The following SORCS2 variants were observed in gnomAD, a reference collection of about 807,000 sequenced individuals.
SORCS2 encodes VPS10 domain-containing receptor SorCS2.
A neutral mutation model predicts 141.6 loss-of-function variants in SORCS2; 100 were observed. The observed-to-expected ratio is 0.71, with a 90% CI of 0.60 to 0.83. The LOEUF is 0.83. SORCS2 is among the 40% of genes least tolerant of loss of function. The probability of loss-of-function intolerance (pLI) is 0.00; values close to 1 mark genes in which losing one functional copy is unlikely to be tolerated. For synonymous variants in SORCS2, 789 were observed against 676.9 expected (o/e 1.17, Z -2.57); for missense variants, 1,646 against 1,560.2 (o/e 1.05, Z -0.93).
intron 2 of SORCS2, among the ~76,000 whole-genome samples, chr4:7,522,696 T>C (rs528794957): frequency 2.0e-4 from 27 of 137,260 alleles, no homozygotes; most frequent in African/African-American, 5.9e-4. Flanking sequence ...CTTCCTCCCT[T>C]TTCCCCCATC....
At chr4:7,264,049 G>A (rs1363281747) in intron 1 of SORCS2, among the ~76,000 whole-genome samples, 1 of 152,186 alleles carries the variant, frequency 6.6e-6, no homozygotes, top group Non-Finnish European at 1.5e-5. Flanking sequence ...GGTCACAGAG[G>A]CCCCCCTCCC....
chr4:7,598,075 T>G (rs1004547072), intron 3 of SORCS2, among the ~76,000 whole-genome samples: 2 of 151,816 alleles, frequency 1.3e-5, no homozygotes, highest in Non-Finnish European at 2.9e-5. Flanking sequence ...TTCAAATGAT[T>G]CTCCTGCCTC....
intron 1 of SORCS2, among the ~76,000 whole-genome samples, chr4:7,374,178 TCTTTCTTTCTTTCTTTC>T (rs1560229494): frequency 4.5e-5 from 6 of 132,570 alleles, no homozygotes; most frequent in African/African-American, 1.8e-4. Flanking sequence ...TTTCTTTCTT[TCTTTCTTTCTTTCTTTC>T]TTTTTTGCAG....
intron 3 of SORCS2, among the ~76,000 whole-genome samples, chr4:7,635,043 G>A (rs1252076777): frequency 2.0e-5 from 3 of 152,340 alleles, no homozygotes; most frequent in Middle Eastern, 6.8e-3. Context: ...ACAGGAAGAG[G>A]AAATACTGGT....
At chr4:7,443,296 C>A (rs1453890077) in intron 2 of SORCS2, among the ~76,000 whole-genome samples, 2 of 152,150 alleles carry the variant, frequency 1.3e-5, no homozygotes, top group Non-Finnish European at 2.9e-5. Flanking sequence ...CAGCCTTGGC[C>A]CTAAGAAGTC....
chr4:7,434,378 T>A, intron 2 of SORCS2: 2 of 1,607,774 alleles, frequency 1.2e-6, no homozygotes, highest in Middle Eastern at 1.7e-4. Context: ...AGGGGCCCAT[T>A]GGCCATGAAC....
At position 7,373,478 on chromosome 4, in the gene SORCS2, A is replaced by ATTTTTTT. The variant is rs71173496; in HGVS notation, c.481-22788_481-22782dup. 2.4e-3 allele frequency among the ~76,000 whole-genome samples: 89 copies of ATTTTTTT among 36,808 alleles called. 10 individuals are homozygous for ATTTTTTT. The highest frequency in any genetic ancestry group is 6.6e-3 in the East Asian group (3 of 452). The allele number at this position is 36,808 out of a possible 152,430, so 24.1% of individuals were successfully genotyped here. A position where few individuals can be genotyped will look rare whatever the true frequency, so the allele number is the denominator to read the frequency against. The stretch of plus-strand genomic sequence containing the variant: ...AACTTTTATATATATATATATATAT[A>ATTTTTTT]TTTTTTTTTTTTTTTTTTTTTTTTT... On this transcript the variant is annotated intron_variant, in intron 1 of 26. Coordinates refer to ENST00000507866, the MANE Select transcript of SORCS2 (RefSeq NM_020777.3).
intron 1 of SORCS2, among the ~76,000 whole-genome samples, chr4:7,290,645 G>A (rs1716537112): frequency 6.6e-6 from 1 of 152,222 alleles, no homozygotes; most frequent in Admixed American, 6.5e-5. Flanking sequence ...CTCCTGGGGA[G>A]TGTTCCTCCT....
At chr4:7,557,492 T>C (rs1714220996) in intron 3 of SORCS2, among the ~76,000 whole-genome samples, 2 of 152,266 alleles carry the variant, frequency 1.3e-5, no homozygotes, top group Admixed American at 1.3e-4. Context: ...ACGCAAGGAT[T>C]CGTTCTCTTT....
intron 3 of SORCS2, among the ~76,000 whole-genome samples, chr4:7,543,662 A>C (rs187877138): frequency 0.13 from 17,014 of 135,442 alleles, 1,108 homozygotes; most frequent in African/African-American, 0.16. Context: ...CCATCCACCC[A>C]CCCATCCATC....
At chr4:7,325,018 G>A (rs997170493) in intron 1 of SORCS2, among the ~76,000 whole-genome samples, 2 of 152,214 alleles carry the variant, frequency 1.3e-5, no homozygotes, top group Non-Finnish European at 2.9e-5. Flanking sequence ...GCAGAAGGCA[G>A]TGGGGATGTG....
chr4:7,521,478 T>C (rs775157042), intron 2 of SORCS2, among the ~76,000 whole-genome samples: 11 of 152,226 alleles, frequency 7.2e-5, no homozygotes, highest in Non-Finnish European at 1.5e-4. Context: ...ACAATTGCCC[T>C]GTGTCACCTT....
intron 3 of SORCS2, among the ~76,000 whole-genome samples, chr4:7,549,733 G>C (rs1340630928): frequency 6.6e-6 from 1 of 152,214 alleles, no homozygotes; most frequent in East Asian, 1.9e-4. Context: ...CGCACACACA[G>C]AGTTCCTCCT....
intron 1 of SORCS2, among the ~76,000 whole-genome samples, chr4:7,345,817 C>T (rs1720621264): frequency 1.3e-5 from 2 of 152,230 alleles, no homozygotes; most frequent in African/African-American, 4.8e-5. Context: ...CAACTCCATG[C>T]TCCAGTTTCT....
At chr4:7,327,293 C>A (rs1719326557) in intron 1 of SORCS2, among the ~76,000 whole-genome samples, 2 of 152,232 alleles carry the variant, frequency 1.3e-5, no homozygotes, top group African/African-American at 4.8e-5. Flanking sequence ...ACCTGTCCCA[C>A]CTCCGGTGGC....
In SORCS2 at chr4:7,267,154, C is replaced by T. The variant is rs79481558; in HGVS notation, c.480+74028C>T. ...TCTAATTCAGCGGAAACACTATGAC[C>T]ACCAGGGACGGGACAGACAAGAGTG... is the stretch of plus-strand genomic sequence containing the variant. On this transcript the variant is annotated intron_variant, in intron 1 of 26. Transcript: ENST00000507866. Among the ~76,000 whole-genome samples the T allele has an allele frequency of 3.7e-3, 526 of 142,130 alleles. 16 individuals carry two copies. The East Asian group carries it at 0.082, about 22-fold the overall frequency. 93.2% of individuals were successfully genotyped at this position (142,130 alleles called of 152,430 possible). A position where few individuals can be genotyped will look rare whatever the true frequency, so the allele number is the denominator to read the frequency against.
chr4:7,557,860 C>T (rs1438235786), intron 3 of SORCS2, among the ~76,000 whole-genome samples: 1 of 152,202 alleles, frequency 6.6e-6, no homozygotes, highest in Non-Finnish European at 1.5e-5. Context: ...GCCCTGCACC[C>T]ACGTTCCAAA....
chr4:7,670,442 A>G (rs1347230977), intron 8 of SORCS2, among the ~76,000 whole-genome samples: 2 of 152,256 alleles, frequency 1.3e-5, no homozygotes, highest in Admixed American at 6.5e-5. Context: ...GGGTAAATGC[A>G]AATTTAAAGT....
At chr4:7,298,292 G>A (rs560293338) in intron 1 of SORCS2, among the ~76,000 whole-genome samples, 1 of 152,210 alleles carries the variant, frequency 6.6e-6, no homozygotes, top group Non-Finnish European at 1.5e-5. Context: ...AGGCACCCCA[G>A]CAGGGGTGAG....
Sources: allele counts gnomAD v4.1 joint callset (sites outside exome capture counted in the v4.1 genomes callset), GRCh38; gene constraint gnomAD v4.1.1; transcripts MANE v1.5; gene names NCBI Gene and HGNC (gene_info 2026-07-23, HGNC 2026-07-21).